Variants in MSH4 observed in about 807,000 individuals in gnomAD.
MSH4 encodes mutS homolog 4.
Under a neutral mutation model 113.7 loss-of-function variants are expected in MSH4, and 106 were observed. That is an observed-to-expected ratio of 0.93 (90% CI 0.80 to 1.10). The LOEUF (loss-of-function observed/expected upper bound fraction) is 1.10. Ranked by LOEUF, MSH4 falls within the 50% of genes least tolerant of loss-of-function variation. MSH4 has a pLI of 0.00. For missense variants in MSH4, 1,061 were observed against 1,093.7 expected, an observed-to-expected ratio of 0.97 and a Z score of 0.42; for synonymous variants, 368 against 380.2, an observed-to-expected ratio of 0.97 and a Z score of 0.37.
chr1:75,816,593 A>T (rs937411963), intron 6 of MSH4, 47 bp downstream of exon 6: 7 of 1,105,212 alleles, frequency 6.3e-6, no homozygotes, highest in Admixed American at 3.2e-5. Context: ...GTATATATAT[A>T]TTTTTCTATT....
In MSH4 at chr1:75,880,387, A is replaced by G. The variant is rs115904680; in HGVS notation, c.1781+234A>G. Among the ~76,000 whole-genome samples, 710 of 152,210 alleles carry G rather than the reference A, an allele frequency of 4.7e-3. 4 individuals are homozygous for G. Among genetic ancestry groups the G allele is most frequent in the Non-Finnish European group, 7.5e-3 (509 of 67,970 alleles). Reference sequence around the variant, plus strand: ...ATATTTCTGTAATGTGCATTCTACCATGATGTAGAACTTGGCACATCAGGG... The same window carrying G: ...ATATTTCTGTAATGTGCATTCTACCGTGATGTAGAACTTGGCACATCAGGG... On this transcript the variant is annotated intron_variant, in intron 13 of 19. Coordinates refer to ENST00000263187, the MANE Select transcript of MSH4 (RefSeq NM_002440.4).
At chr1:75,875,039 C>T (rs11161800) in intron 9 of MSH4, among the ~76,000 whole-genome samples, 60,779 of 152,022 alleles carry the variant, frequency 0.4, 13,770 homozygotes, top group East Asian at 0.95. Flanking sequence ...ACCACAGGCA[C>T]GCACCACCAT....
intron 9 of MSH4, among the ~76,000 whole-genome samples, chr1:75,873,691 C>T (rs1210322422): frequency 6.6e-6 from 1 of 152,008 alleles, no homozygotes; most frequent in East Asian, 1.9e-4. Flanking sequence ...TGTTAATTTG[C>T]TAAGGATAAT....
intron 17 of MSH4, among the ~76,000 whole-genome samples, chr1:75,897,484 G>T (rs1479274826): frequency 6.6e-6 from 1 of 152,040 alleles, no homozygotes; most frequent in East Asian, 1.9e-4. Flanking sequence ...CTTACAACTA[G>T]GGAGGCTACT....
At chr1:75,885,444 CATATAT>C (rs60096542) in intron 15 of MSH4, among the ~76,000 whole-genome samples, 1 of 109,976 alleles carries the variant, frequency 9.1e-6, no homozygotes. Context: ...TGTGTATATA[CATATAT>C]ATATATATAT....
chr1:75,820,915 G>C (rs1194643613), intron 6 of MSH4, among the ~76,000 whole-genome samples: 1 of 150,820 alleles, frequency 6.6e-6, no homozygotes, highest in Non-Finnish European at 1.5e-5. Flanking sequence ...CAAGTACTTA[G>C]AGACCTACAA....
rs367734850 is a variant in MSH4, at chr1:75,881,351, C to G, written c.1887C>G (p.Ala629=). Residue 629 remains alanine (A), a synonymous_variant, in exon 14 of 20, where the codon GCC becomes GCG. Transcript: ENST00000263187. The stretch of plus-strand genomic sequence containing the variant: ...ATATGCTACTGTCATTTGCTCATGC[C>G]TGCACTCTTTCTGACTATGGTAAGT... ...MLDMLLSFAH[A]CTLSDYVRPE... 6.2e-7 allele frequency: 1 copy of G among 1,611,592 alleles called. No homozygotes were observed. The highest frequency in any genetic ancestry group is 8.5e-7 in the Non-Finnish European group (1 of 1,179,034).
intron 12 of MSH4, among the ~76,000 whole-genome samples, chr1:75,879,792 C>T (rs1651891781): frequency 6.6e-6 from 1 of 152,098 alleles, no homozygotes; most frequent in South Asian, 2.1e-4. Context: ...TAAGACCTAT[C>T]AGAGTAGTCA....
chr1:75,827,421 T>A (rs1650578062), intron 7 of MSH4, among the ~76,000 whole-genome samples: 1 of 152,060 alleles, frequency 6.6e-6, no homozygotes, highest in Non-Finnish European at 1.5e-5. Context: ...GTGAAGAAAC[T>A]GCATCAACTA....
intron 7 of MSH4, among the ~76,000 whole-genome samples, chr1:75,841,124 C>T (rs5745392): frequency 0.13 from 20,118 of 151,000 alleles, 1,583 homozygotes; most frequent in East Asian, 0.27. Flanking sequence ...CTGGTATGCA[C>T]GCCATTGGCT....
At chr1:75,805,250 A>AT (rs1650034734) in intron 2 of MSH4, among the ~76,000 whole-genome samples, 1 of 152,216 alleles carries the variant, frequency 6.6e-6, no homozygotes, top group Non-Finnish European at 1.5e-5. Flanking sequence ...TGTAAATAAC[A>AT]TAATAATGAG....
chr1:75,868,874 A>G (rs554431750), intron 9 of MSH4, among the ~76,000 whole-genome samples: 4 of 152,198 alleles, frequency 2.6e-5, no homozygotes, highest in African/African-American at 7.2e-5. Context: ...TTTTTCCTTT[A>G]TAAATTTCCC....
intron 8 of MSH4, among the ~76,000 whole-genome samples, chr1:75,864,214 G>T (rs1228338487): frequency 1.3e-5 from 2 of 152,108 alleles, no homozygotes; most frequent in African/African-American, 2.4e-5. Context: ...TATTTTCACT[G>T]CTATATGATA....
chr1:75,849,537 G>T (rs184214263), intron 8 of MSH4, among the ~76,000 whole-genome samples: 2 of 140,974 alleles, frequency 1.4e-5, no homozygotes, highest in East Asian at 3.2e-4. Flanking sequence ...ATACTCTTAA[G>T]GTTCATTTAT....
intron 8 of MSH4, among the ~76,000 whole-genome samples, chr1:75,861,244 C>T (rs981826701): frequency 6.6e-6 from 1 of 152,060 alleles, no homozygotes; most frequent in African/African-American, 2.4e-5. Flanking sequence ...TTATTACCGA[C>T]CTTCTGAAGC....
intron 7 of MSH4, among the ~76,000 whole-genome samples, chr1:75,830,875 C>G (rs1188660536): frequency 6.6e-6 from 1 of 152,196 alleles, no homozygotes. Context: ...AAAGAAACTT[C>G]ACCAACTGAC....
intron 9 of MSH4, among the ~76,000 whole-genome samples, chr1:75,871,996 C>G (rs985922196): frequency 6.6e-6 from 1 of 152,166 alleles, no homozygotes; most frequent in Admixed American, 6.5e-5. Flanking sequence ...GCTCCAGATT[C>G]TGAAACTTTT....
intron 1 of MSH4, 105 bp downstream of exon 1, chr1:75,797,334 G>T: frequency 7.0e-7 from 1 of 1,432,628 alleles, no homozygotes; most frequent in Non-Finnish European, 9.3e-7. Context: ...GTTGTGATTT[G>T]GTTGGGGCGT....
At chr1:75,855,378 T>C (rs1234972072) in intron 8 of MSH4, among the ~76,000 whole-genome samples, 3 of 152,160 alleles carry the variant, frequency 2.0e-5, no homozygotes, top group Non-Finnish European at 4.4e-5. Flanking sequence ...ACACTATGAA[T>C]TGCACATCCT....
Sources: gnomAD v4.1 joint callset for allele counts (sites outside exome capture counted in the v4.1 genomes callset) on GRCh38, gnomAD v4.1.1 for gene constraint, MANE v1.5 for transcripts, NCBI Gene and HGNC (gene_info 2026-07-23, HGNC 2026-07-21) for gene names.